STPG2: variants seen among roughly 807,000 people sequenced by gnomAD.
STPG2 encodes the protein sperm-tail PG-rich repeat-containing protein 2.
Under a neutral mutation model 54.2 loss-of-function variants are expected in STPG2, and 56 were observed. The observed-to-expected ratio is 1.03, with a 90% confidence interval of 0.83 to 1.29. The LOEUF (loss-of-function observed/expected upper bound fraction) is 1.29. Among genes scored for constraint, STPG2 ranks in the 50% most tolerant of loss-of-function variants. The pLI is 0.00. For missense variants in STPG2, 596 were observed against 544.9 expected, an observed-to-expected ratio of 1.09 and a Z score of -0.93; for synonymous variants, 200 against 181.8, an observed-to-expected ratio of 1.10 and a Z score of -0.81.
chr4:97,796,498 A>T (rs1043567609), intron 9 of STPG2, among the ~76,000 whole-genome samples: 4 of 152,330 alleles, frequency 2.6e-5, no homozygotes, highest in Middle Eastern at 3.4e-3. Flanking sequence ...TTTGTCAAAG[A>T]TCAGATGGTA....
At position 97,968,668 on chromosome 4, in the gene STPG2, A is replaced by C. The variant is rs111295501; in HGVS notation, c.933+3612T>G. On this transcript the variant is annotated intron_variant, in intron 7 of 10. Transcript: ENST00000295268. ...AGTAAACATAATCCATCACATAAAC[A>C]GAACCAATGACAAAAACCACATGAT... Among the ~76,000 whole-genome samples the C allele has an allele frequency of 9.1e-4, 138 of 152,348 alleles. 2 individuals carry two copies. The highest frequency in any genetic ancestry group is 3.3e-3 in the African/African-American group (137 of 41,572).
At chr4:97,517,694 T>C (rs1731103353) in intron 4 of STPG2, among the ~76,000 whole-genome samples, 1 of 152,110 alleles carries the variant, frequency 6.6e-6, no homozygotes, top group Non-Finnish European at 1.5e-5. Flanking sequence ...TTTTCAAATA[T>C]TTTTCTCTTT....
chr4:97,776,513 C>T (rs1726380260), intron 9 of STPG2, among the ~76,000 whole-genome samples: 1 of 152,102 alleles, frequency 6.6e-6, no homozygotes, highest in Non-Finnish European at 1.5e-5. Flanking sequence ...ACCTCAGGAA[C>T]TATAAAGAGG....
intron 5 of STPG2, among the ~76,000 whole-genome samples, chr4:98,042,261 C>G (rs1437080070): frequency 6.6e-6 from 1 of 150,790 alleles, no homozygotes; most frequent in Non-Finnish European, 1.5e-5. Context: ...TCAATTTTGT[C>G]TTTTCAAAAA....
chr4:97,773,667 AT>A lies in STPG2; in HGVS notation c.1205-60854del, dbSNP rs1726284440. ...AAAAATAGTCACATTTTATCCTAAA[AT>A]TACTATACTGTATTTATACTTTGAA... On this transcript the variant is annotated intron_variant, in intron 9 of 10. Transcript: ENST00000295268. Among the ~76,000 whole-genome samples the A allele has an allele frequency of 2.0e-5, 3 of 152,296 alleles. No homozygotes were observed. The South Asian group carries it at 6.2e-4, about 32-fold the overall frequency.
intron 8 of STPG2, among the ~76,000 whole-genome samples, chr4:97,853,888 C>T (rs760830477): frequency 6.6e-6 from 1 of 152,138 alleles, no homozygotes; most frequent in Non-Finnish European, 1.5e-5. Context: ...CTCGAGAGCT[C>T]CTCCCGCCTC....
chr4:97,873,403 T>C (rs1365471536), intron 8 of STPG2, among the ~76,000 whole-genome samples: 1 of 151,516 alleles, frequency 6.6e-6, no homozygotes, highest in Non-Finnish European at 1.5e-5. Context: ...GCAACATTTG[T>C]TTATAGTTCT....
chr4:97,693,755 T>C (rs1723458878), intron 10 of STPG2, among the ~76,000 whole-genome samples: 2 of 152,142 alleles, frequency 1.3e-5, no homozygotes, highest in Non-Finnish European at 2.9e-5. Context: ...AGACAGACCA[T>C]ATGATAGAAC....
intron 9 of STPG2, among the ~76,000 whole-genome samples, chr4:97,733,341 G>A (rs1724867971): frequency 6.6e-6 from 1 of 151,928 alleles, no homozygotes. Flanking sequence ...CACAGGAGTG[G>A]AAAATCAAAA....
At chr4:97,796,342 T>C (rs74871502) in intron 9 of STPG2, among the ~76,000 whole-genome samples, 1 of 152,208 alleles carries the variant, frequency 6.6e-6, no homozygotes, top group East Asian at 1.9e-4. Context: ...AGGTCTAACA[T>C]TGAAGTCTTT....
At chr4:98,114,494 A>G (rs1578176775) in intron 3 of STPG2, among the ~76,000 whole-genome samples, 1 of 152,096 alleles carries the variant, frequency 6.6e-6, no homozygotes, top group Non-Finnish European at 1.5e-5. Flanking sequence ...GTATTTTAAA[A>G]TACAGCATTT....
intron 8 of STPG2, among the ~76,000 whole-genome samples, chr4:97,844,449 T>C (rs1373982428): frequency 2.0e-5 from 3 of 152,082 alleles, no homozygotes; most frequent in Non-Finnish European, 2.9e-5. Context: ...TTACTAAATA[T>C]AGATTTTTTT....
intron 2 of STPG2, among the ~76,000 whole-genome samples, chr4:98,133,210 A>G (rs905599507): frequency 1.3e-5 from 2 of 151,996 alleles, no homozygotes; most frequent in Non-Finnish European, 2.9e-5. Flanking sequence ...AAAATTATCA[A>G]TTGACTAATA....
chr4:98,087,741 T>C (rs1738566556), intron 5 of STPG2, among the ~76,000 whole-genome samples: 1 of 152,072 alleles, frequency 6.6e-6, no homozygotes, highest in Non-Finnish European at 1.5e-5. Context: ...TTTGTATTTT[T>C]AGTAGAGACG....
At chr4:97,919,798 A>G (rs1419633885) in intron 8 of STPG2, among the ~76,000 whole-genome samples, 1 of 152,088 alleles carries the variant, frequency 6.6e-6, no homozygotes, top group South Asian at 2.1e-4. Context: ...TCAGGGGGAT[A>G]CTCTTTTTTA....
intron 10 of STPG2, among the ~76,000 whole-genome samples, chr4:97,662,894 A>G (rs1232403970): frequency 6.6e-6 from 1 of 152,174 alleles, no homozygotes; most frequent in Non-Finnish European, 1.5e-5. Context: ...CACACAATAT[A>G]TCCATGTAAC....
intron 4 of STPG2, among the ~76,000 whole-genome samples, chr4:97,467,863 T>A (rs1186566589): frequency 5.3e-5 from 8 of 150,556 alleles, no homozygotes; most frequent in African/African-American, 1.9e-4. Flanking sequence ...TTTTTTAAGA[T>A]GGGATAGGAC....
chr4:97,925,060 A>G (rs1271099198), intron 8 of STPG2, among the ~76,000 whole-genome samples: 1 of 152,256 alleles, frequency 6.6e-6, no homozygotes, highest in African/African-American at 2.4e-5. Context: ...AGAAAATGTT[A>G]TCAACCAAAG....
At chr4:97,670,830 G>T (rs1188031180) in intron 10 of STPG2, among the ~76,000 whole-genome samples, 1 of 152,308 alleles carries the variant, frequency 6.6e-6, no homozygotes. Context: ...TAGCTTCAAA[G>T]AAGGGGAATG....
Sources: allele counts gnomAD v4.1 joint callset (sites outside exome capture counted in the v4.1 genomes callset), GRCh38; gene constraint gnomAD v4.1.1; transcripts MANE v1.5; gene names NCBI Gene and HGNC (gene_info 2026-07-23, HGNC 2026-07-21).